The following KCNK3 variants were observed in gnomAD, a reference collection of about 807,000 sequenced individuals.
KCNK3 encodes potassium two pore domain channel subfamily K member 3.
Under a neutral mutation model 27.3 loss-of-function variants are expected in KCNK3, and 9 were observed. That is an observed-to-expected ratio of 0.33 (90% CI 0.20 to 0.57). The LOEUF is 0.57. Ranked by LOEUF, KCNK3 falls within the 20% of genes least tolerant of loss-of-function variation. The pLI, the probability that KCNK3 is intolerant of heterozygous loss-of-function variation, is 0.87. For missense variants in KCNK3, 391 were observed against 577.7 expected, an observed-to-expected ratio of 0.68 and a Z score of 3.31; for synonymous variants, 278 against 273.8, an observed-to-expected ratio of 1.02 and a Z score of -0.15.
At chr2:26,709,662 G>A (rs1572607075) in intron 1 of KCNK3, among the ~76,000 whole-genome samples, 2 of 152,198 alleles carry the variant, frequency 1.3e-5, no homozygotes, top group South Asian at 4.1e-4. Flanking sequence ...CCAGATTCCA[G>A]GAGAGGCAGG....
chr2:26,693,308 G>T lies in KCNK3; in HGVS notation c.283+150G>T. ...CTCGCAGAAACCCGAGTTCAGCCTG[G>T]CGTGTGTGCTCCGCGGGGACGGAAC... On this transcript the variant is annotated intron_variant, in intron 1 of 1. Coordinates refer to ENST00000302909, the MANE Select transcript of KCNK3 (RefSeq NM_002246.3). This position sits in a 1 kb window ranked among gnomAD's most constrained non-coding sequence, Gnocchi z 5.5. 1 of 784,596 alleles carries T rather than the reference G, an allele frequency of 1.3e-6. No homozygotes were observed. Among genetic ancestry groups the T allele is most frequent in the Non-Finnish European group, 1.9e-6 (1 of 534,558 alleles). The allele number at this position is 784,596 out of a possible 1,614,324, so 48.6% of individuals were successfully genotyped here.
At chr2:26,702,368 G>C (rs1670318860) in intron 1 of KCNK3, among the ~76,000 whole-genome samples, 1 of 152,168 alleles carries the variant, frequency 6.6e-6, no homozygotes, top group Non-Finnish European at 1.5e-5. Flanking sequence ...ACAACCTGGG[G>C]GACTGTCAGA....
At chr2:26,694,950 C>T (rs1401632738) in intron 1 of KCNK3, among the ~76,000 whole-genome samples, 1 of 152,138 alleles carries the variant, frequency 6.6e-6, no homozygotes, top group Non-Finnish European at 1.5e-5. Flanking sequence ...GGCATGCTCC[C>T]CTGGACAATG....
chr2:26,718,096 C>T lies in KCNK3; in HGVS notation c.284-9571C>T, dbSNP rs562760442. Among the ~76,000 whole-genome samples the T allele has an allele frequency of 3.3e-5, 5 of 152,158 alleles. No homozygotes were observed. In the South Asian group the frequency reaches 1.0e-3, roughly 32 times the overall value. On this transcript the variant is annotated intron_variant, in intron 1 of 1. Coordinates refer to ENST00000302909, the MANE Select transcript of KCNK3 (RefSeq NM_002246.3). ...GCCCCTCGCCCCTACCTCCTCCTCTCATCCCGAACTCTTGGATCCTCCGCT... is the reference window on the plus strand; with the variant it reads ...GCCCCTCGCCCCTACCTCCTCCTCTTATCCCGAACTCTTGGATCCTCCGCT...
chr2:26,697,711 G>A (rs564972642), intron 1 of KCNK3, among the ~76,000 whole-genome samples: 2 of 152,168 alleles, frequency 1.3e-5, no homozygotes, highest in South Asian at 4.2e-4. Context: ...TGGCTCTAAG[G>A]CAACAACAAA....
At chr2:26,694,589 G>A (rs1670211522) in intron 1 of KCNK3, among the ~76,000 whole-genome samples, 1 of 152,094 alleles carries the variant, frequency 6.6e-6, no homozygotes, top group Non-Finnish European at 1.5e-5. Context: ...AAGGGCCCTG[G>A]GAGTGGATGT....
chr2:26,700,903 C>G (rs184721044), intron 1 of KCNK3, among the ~76,000 whole-genome samples: 2 of 152,324 alleles, frequency 1.3e-5, no homozygotes, highest in East Asian at 3.9e-4. Context: ...AGGAAGCAGT[C>G]CACAGAGGGA....
In KCNK3 at chr2:26,728,601, C is replaced by T; in HGVS notation, c.*33C>T. The T allele has an allele frequency of 1.4e-6, 2 of 1,407,878 alleles. No homozygotes were observed. The highest frequency in any genetic ancestry group is 9.2e-7 in the Non-Finnish European group (1 of 1,081,486). 87.2% of individuals were successfully genotyped at this position (1,407,878 alleles called of 1,614,324 possible). A position where few individuals can be genotyped will look rare whatever the true frequency, so the allele number is the denominator to read the frequency against. Reference sequence around the variant, plus strand: ...GAGGGGCCTGGAGCACCTGGGGGCGCGGGCGGGGGACCCCTGCTGGGAGGC... The same window carrying T: ...GAGGGGCCTGGAGCACCTGGGGGCGTGGGCGGGGGACCCCTGCTGGGAGGC... On this transcript the variant is annotated 3_prime_UTR_variant, in exon 2 of 2. Coordinates refer to ENST00000302909, the MANE Select transcript of KCNK3 (RefSeq NM_002246.3).
intron 1 of KCNK3, among the ~76,000 whole-genome samples, chr2:26,716,308 A>G (rs1663231148): frequency 6.6e-6 from 1 of 152,212 alleles, no homozygotes; most frequent in South Asian, 2.1e-4. Flanking sequence ...AGCTCAAACA[A>G]TAGAATGTAT....
chr2:26,707,654 G>A (rs1272866110), intron 1 of KCNK3, among the ~76,000 whole-genome samples: 2 of 152,196 alleles, frequency 1.3e-5, no homozygotes, highest in Non-Finnish European at 2.9e-5. Flanking sequence ...TGGCCAGGAT[G>A]GGGTGAGTTC....
chr2:26,709,876 T>C (rs537057948), intron 1 of KCNK3, among the ~76,000 whole-genome samples: 2 of 152,324 alleles, frequency 1.3e-5, no homozygotes, highest in South Asian at 4.1e-4. Flanking sequence ...CCGCTCTTCC[T>C]CAGCAGTCCC....
Position 26,693,976 on chromosome 2 carries a change from C to CAG in KCNK3, c.283+819_283+820insGA, listed in dbSNP as rs1310181503. 8.9e-3 allele frequency among the ~76,000 whole-genome samples: 1,334 copies of CAG among 150,490 alleles called. 17 individuals carry two copies. Among genetic ancestry groups the CAG allele is most frequent in the African/African-American group, 0.031 (1,270 of 41,218 alleles). On this transcript the variant is annotated intron_variant, in intron 1 of 1. Transcript: ENST00000302909. This position sits in a 1 kb window ranked among gnomAD's most constrained non-coding sequence, Gnocchi z 5.5. ...CAGGGCGGGCACACACACACACACA[C>CAG]ACAGAGAGAGAGACAGAGAGAGAGA...
intron 1 of KCNK3, among the ~76,000 whole-genome samples, chr2:26,707,712 C>T (rs1347043358): frequency 1.3e-5 from 2 of 152,232 alleles, no homozygotes; most frequent in Non-Finnish European, 2.9e-5. Context: ...CTCAGGCAGA[C>T]AGCAGATAGC....
At chr2:26,718,658 G>C (rs1246901615) in intron 1 of KCNK3, among the ~76,000 whole-genome samples, 1 of 152,030 alleles carries the variant, frequency 6.6e-6, no homozygotes, top group African/African-American at 2.4e-5. Context: ...ACCCAGGCTG[G>C]AGTGTAGTGG....
intron 1 of KCNK3, among the ~76,000 whole-genome samples, chr2:26,698,333 T>C (rs1670260498): frequency 1.3e-5 from 2 of 152,160 alleles, no homozygotes; most frequent in South Asian, 2.1e-4. Flanking sequence ...AGGCACTGAC[T>C]TGGAAGCTGG....
intron 1 of KCNK3, among the ~76,000 whole-genome samples, chr2:26,707,922 C>T (rs1462425805): frequency 6.6e-6 from 1 of 152,124 alleles, no homozygotes; most frequent in Non-Finnish European, 1.5e-5. Context: ...TTTCCACTCC[C>T]CTCAGGCACC....
chr2:26,705,012 G>T (rs1274494731), intron 1 of KCNK3, among the ~76,000 whole-genome samples: 1 of 151,998 alleles, frequency 6.6e-6, no homozygotes, highest in African/African-American at 2.4e-5. Context: ...TGTCTCCCAG[G>T]CTGGAGGGTA....
chr2:26,702,549 G>A (rs2148257037), intron 1 of KCNK3, among the ~76,000 whole-genome samples: 1 of 152,276 alleles, frequency 6.6e-6, no homozygotes, highest in East Asian at 1.9e-4. Flanking sequence ...AGAAAGACTT[G>A]ATTTAGTTCA....
rs191771946 is a variant in KCNK3 at position 26,705,419 on chromosome 2, T to C, written c.283+12261T>C. Among the ~76,000 whole-genome samples, 7 of 152,258 alleles carry C rather than the reference T, an allele frequency of 4.6e-5. No individual in the cohort carries two copies. In the East Asian group the frequency reaches 1.2e-3, roughly 25 times the overall value. On this transcript the variant is annotated intron_variant, in intron 1 of 1. Coordinates refer to ENST00000302909, the MANE Select transcript of KCNK3 (RefSeq NM_002246.3). ...TGAGCCTCATATCAACCCCAAGGTG[T>C]AGGCATCATTATTCCTACTTTGCCA...
Sources: gnomAD v4.1 joint callset for allele counts (sites outside exome capture counted in the v4.1 genomes callset) on GRCh38, gnomAD v4.1.1 for gene constraint, Gnocchi (gnomAD v3.1) non-coding constraint, MANE v1.5 for transcripts, NCBI Gene and HGNC (gene_info 2026-07-23, HGNC 2026-07-21) for gene names.